The following ADAM18 variants were observed in gnomAD, a reference collection of about 807,000 sequenced individuals.
ADAM18 encodes ADAM metallopeptidase domain 18.
Under a neutral mutation model 94.4 loss-of-function variants are expected in ADAM18, and 117 were observed. The ratio of observed to expected loss-of-function variants is 1.24; its 90% CI spans 1.07 to 1.45. The LOEUF (loss-of-function observed/expected upper bound fraction) is 1.45. Among genes scored for constraint, ADAM18 ranks in the 40% most tolerant of loss-of-function variants. The pLI, the probability that ADAM18 is intolerant of heterozygous loss-of-function variation, is 0.00. For missense variants in ADAM18, 936 were observed against 880.0 expected, an observed-to-expected ratio of 1.06 and a Z score of -0.81; for synonymous variants, 327 against 291.6, an observed-to-expected ratio of 1.12 and a Z score of -1.24.
chr8:39,709,244 G>A (rs1822327322), intron 18 of ADAM18, among the ~76,000 whole-genome samples: 2 of 152,218 alleles, frequency 1.3e-5, no homozygotes, highest in South Asian at 2.1e-4. Flanking sequence ...TTCTCTTGAA[G>A]TCCAGCCATC....
chr8:39,655,801 T>C (rs1253471877), intron 12 of ADAM18, among the ~76,000 whole-genome samples: 1 of 152,114 alleles, frequency 6.6e-6, no homozygotes, highest in African/African-American at 2.4e-5. Context: ...ACTTGTTACA[T>C]AGTCAATTCA....
chr8:39,586,775 T>C (rs1818408230), intron 2 of ADAM18, among the ~76,000 whole-genome samples: 2 of 127,648 alleles, frequency 1.6e-5, no homozygotes. Context: ...TATCTATCTA[T>C]CTATCTATCT....
At position 39,702,130 on chromosome 8, in the gene ADAM18, C is replaced by G. The variant is rs151051724; in HGVS notation, c.1903-4660C>G. On this transcript the variant is annotated intron_variant, in intron 17 of 19. Transcript: ENST00000265707. Reference sequence around the variant, plus strand: ...ACAGTGTATAAGTATTCCTTTTACTCTACAACCTTGCCAGCATCTGTTATT... The same window carrying G: ...ACAGTGTATAAGTATTCCTTTTACTGTACAACCTTGCCAGCATCTGTTATT... 1.1e-4 allele frequency among the ~76,000 whole-genome samples: 16 copies of G among 152,302 alleles called. No individual in the cohort carries two copies. In the East Asian group the frequency reaches 3.1e-3, roughly 29 times the overall value.
chr8:39,662,170 A>ATGAT (rs1437484784), intron 12 of ADAM18, among the ~76,000 whole-genome samples: 1 of 152,084 alleles, frequency 6.6e-6, no homozygotes, highest in Non-Finnish European at 1.5e-5. Flanking sequence ...ACAAATTAAA[A>ATGAT]TGATTGGTCA....
At chr8:39,660,113 A>G (rs904534919) in intron 12 of ADAM18, among the ~76,000 whole-genome samples, 5 of 152,210 alleles carry the variant, frequency 3.3e-5, no homozygotes, top group African/African-American at 9.6e-5. Flanking sequence ...TGCACAAATG[A>G]GAAAGGAAGT....
chr8:39,691,324 C>A (rs1821771573), intron 16 of ADAM18, among the ~76,000 whole-genome samples: 1 of 151,930 alleles, frequency 6.6e-6, no homozygotes, highest in Admixed American at 6.6e-5. Flanking sequence ...AAAAAGTAAC[C>A]CATGTTAGCG....
chr8:39,677,513 A>G lies in ADAM18; in HGVS notation c.1608A>G (p.Ser536=). ...ERSENCGFKN[S]QPLPCERKDV... ...CTGAAAACTGTGGTTTTAAAAATTC[A>G]CAACCATTACCTTGTGAACGGAAGT... The change falls in exon 15 of 20, where the codon TCA becomes TCG. Residue 536 remains serine (S), a synonymous_variant. Coordinates refer to ENST00000265707, the MANE Select transcript of ADAM18 (RefSeq NM_014237.3). 1.9e-6 allele frequency: 3 copies of G among 1,608,738 alleles called. No homozygotes were observed. Among genetic ancestry groups the G allele is most frequent in the Non-Finnish European group, 2.5e-6 (3 of 1,178,438 alleles).
chr8:39,726,855 A>G (rs1258229599), intron 19 of ADAM18, among the ~76,000 whole-genome samples: 4 of 152,178 alleles, frequency 2.6e-5, no homozygotes, highest in African/African-American at 7.2e-5. Flanking sequence ...TTATTTGACA[A>G]CCATCTTACA....
rs573524695 is a variant in ADAM18 at position 39,678,709 on chromosome 8, A to G, written c.1631+1173A>G. On this transcript the variant is annotated intron_variant, in intron 15 of 19. Coordinates refer to ENST00000265707, the MANE Select transcript of ADAM18 (RefSeq NM_014237.3). ...CTTTAATTTAAGATTATTCATGAAA[A>G]AAAGATAAAAGAAACCTGGAAGAAA... is the stretch of plus-strand genomic sequence containing the variant. Among the ~76,000 whole-genome samples, 12 of 152,320 alleles carry G rather than the reference A, an allele frequency of 7.9e-5. No individual in the cohort carries two copies. The South Asian group carries it at 2.3e-3, about 29-fold the overall frequency.
chr8:39,683,148 A>G (rs1821517101), intron 16 of ADAM18, among the ~76,000 whole-genome samples: 2 of 152,210 alleles, frequency 1.3e-5, no homozygotes, highest in Admixed American at 6.5e-5. Context: ...ACTTGGATGA[A>G]ATAAGCTACC....
At chr8:39,708,473 C>G (rs1252563727) in intron 18 of ADAM18, among the ~76,000 whole-genome samples, 1 of 152,142 alleles carries the variant, frequency 6.6e-6, no homozygotes, top group East Asian at 1.9e-4. Context: ...TCAATGAACT[C>G]TGGAAAAACA....
intron 12 of ADAM18, among the ~76,000 whole-genome samples, chr8:39,649,264 T>C (rs1274029211): frequency 1.3e-5 from 2 of 152,092 alleles, no homozygotes; most frequent in Non-Finnish European, 2.9e-5. Flanking sequence ...CATCCTATAT[T>C]TCACAAGGTA....
At chr8:39,661,399 C>T (rs1318076416) in intron 12 of ADAM18, among the ~76,000 whole-genome samples, 1 of 139,398 alleles carries the variant, frequency 7.2e-6, no homozygotes, top group Non-Finnish European at 1.5e-5. Flanking sequence ...TGGTCTCTAT[C>T]TCCTGACCTC....
At chr8:39,726,164 A>T (rs1227189428) in intron 19 of ADAM18, among the ~76,000 whole-genome samples, 4 of 151,686 alleles carry the variant, frequency 2.6e-5, no homozygotes, top group Non-Finnish European at 5.9e-5. Flanking sequence ...CTGTTATTCA[A>T]TTGTATGTAT....
At chr8:39,627,188 T>C (rs912767229) in intron 6 of ADAM18, among the ~76,000 whole-genome samples, 5 of 152,096 alleles carry the variant, frequency 3.3e-5, no homozygotes, top group Non-Finnish European at 7.4e-5. Context: ...ACTGGGTAAT[T>C]TGTAAAGTAA....
intron 3 of ADAM18, among the ~76,000 whole-genome samples, chr8:39,608,787 C>T (rs1425511079): frequency 1.3e-5 from 2 of 152,064 alleles, no homozygotes; most frequent in African/African-American, 2.4e-5. Flanking sequence ...ATTTGTTGAA[C>T]GTCATCATAC....
At chr8:39,617,263 T>C (rs1279536480) in intron 6 of ADAM18, among the ~76,000 whole-genome samples, 1 of 152,198 alleles carries the variant, frequency 6.6e-6, no homozygotes, top group Non-Finnish European at 1.5e-5. Context: ...TCAGTAATCA[T>C]TAGAGAAATA....
intron 15 of ADAM18, among the ~76,000 whole-genome samples, chr8:39,678,180 A>G (rs1003498420): frequency 1.3e-5 from 2 of 152,228 alleles, no homozygotes; most frequent in African/African-American, 4.8e-5. Flanking sequence ...AGGGAATAAC[A>G]TAAAAAATTT....
chr8:39,634,436 C>T (rs201815583), intron 7 of ADAM18, among the ~76,000 whole-genome samples: 4 of 152,132 alleles, frequency 2.6e-5, no homozygotes, highest in East Asian at 1.9e-4. Context: ...CATGCATTTT[C>T]GATGTGTGAG....
Sources: gnomAD v4.1 joint callset for allele counts (sites outside exome capture counted in the v4.1 genomes callset) on GRCh38, gnomAD v4.1.1 for gene constraint, MANE v1.5 for transcripts, NCBI Gene and HGNC (gene_info 2026-07-23, HGNC 2026-07-21) for gene names.